The following DGKB variants were observed in gnomAD, a reference collection of about 807,000 sequenced individuals.
DGKB encodes the protein diacylglycerol kinase beta.
In DGKB, 67 loss-of-function variants were observed where a neutral mutation model predicts 114.3. The observed-to-expected ratio is 0.59, with a 90% CI of 0.48 to 0.72. The LOEUF is 0.72. DGKB is among the 30% of genes least tolerant of loss of function. The pLI is 0.00. For synonymous variants in DGKB, 398 were observed against 323.1 expected, an observed-to-expected ratio of 1.23 and a Z score of -2.49; for missense variants, 907 against 975.2, an observed-to-expected ratio of 0.93 and a Z score of 0.93.
intron 23 of DGKB, among the ~76,000 whole-genome samples, chr7:14,309,229 A>G (rs1804972895): frequency 6.6e-6 from 1 of 152,158 alleles, no homozygotes; most frequent in African/African-American, 2.4e-5. Context: ...AGAAAAAAAA[A>G]GTAAAATACT....
At chr7:14,762,870 T>C (rs1175700749) in intron 2 of DGKB, among the ~76,000 whole-genome samples, 1 of 152,162 alleles carries the variant, frequency 6.6e-6, no homozygotes, top group Non-Finnish European at 1.5e-5. Flanking sequence ...GATAGGGATC[T>C]GGCAATACTG....
chr7:14,470,632 C>T (rs183031161), intron 21 of DGKB, among the ~76,000 whole-genome samples: 1 of 151,712 alleles, frequency 6.6e-6, no homozygotes, highest in Non-Finnish European at 1.5e-5. Context: ...ATGTTAAAAG[C>T]CTTCAGAGGA....
At chr7:14,250,322 G>T (rs115905803) in intron 23 of DGKB, among the ~76,000 whole-genome samples, 1 of 151,736 alleles carries the variant, frequency 6.6e-6, no homozygotes. Flanking sequence ...TGCTTTTGCC[G>T]TATCACATGG....
At chr7:14,426,504 A>T (rs1185807420) in intron 21 of DGKB, among the ~76,000 whole-genome samples, 2 of 152,272 alleles carry the variant, frequency 1.3e-5, no homozygotes, top group East Asian at 1.9e-4. Context: ...TAGGGGGTAC[A>T]GCTGGAAATA....
intron 21 of DGKB, among the ~76,000 whole-genome samples, chr7:14,417,975 AG>A (rs1453829229): frequency 2.6e-5 from 4 of 151,412 alleles, no homozygotes; most frequent in African/African-American, 9.6e-5. Context: ...TATAAACATA[AG>A]TAAACTTGAG....
At chr7:14,812,965 A>C (rs1213348662) in intron 2 of DGKB, among the ~76,000 whole-genome samples, 1 of 152,154 alleles carries the variant, frequency 6.6e-6, no homozygotes, top group African/African-American at 2.4e-5. Flanking sequence ...AGTAAATATG[A>C]CTTTGAGAAC....
intron 5 of DGKB, among the ~76,000 whole-genome samples, chr7:14,724,391 G>C (rs1829709810): frequency 6.6e-6 from 1 of 152,092 alleles, no homozygotes; most frequent in African/African-American, 2.4e-5. Flanking sequence ...AGCAAAATTA[G>C]GTAGATGGCA....
chr7:14,793,961 G>C (rs572518943), intron 2 of DGKB, among the ~76,000 whole-genome samples: 4 of 152,178 alleles, frequency 2.6e-5, no homozygotes, highest in Non-Finnish European at 5.9e-5. Flanking sequence ...CTGCCTGCCT[G>C]ACTGAGCTCA....
intron 1 of DGKB, among the ~76,000 whole-genome samples, chr7:14,872,252 C>A (rs991290811): frequency 2.6e-5 from 4 of 152,126 alleles, no homozygotes; most frequent in Non-Finnish European, 4.4e-5. Context: ...ATAAGAGCGG[C>A]AGAACAGGAA....
At chr7:14,677,405 G>T (rs1820058838) in intron 12 of DGKB, among the ~76,000 whole-genome samples, 3 of 152,034 alleles carry the variant, frequency 2.0e-5, no homozygotes, top group Admixed American at 2.0e-4. Context: ...ATATTTTGCA[G>T]TTTGGGGTAC....
chr7:14,700,212 A>ATTTT (rs3071277), intron 7 of DGKB, among the ~76,000 whole-genome samples: 1 of 131,188 alleles, frequency 7.6e-6, no homozygotes, highest in Non-Finnish European at 1.6e-5. Context: ...TTGAAAAAAA[A>ATTTT]TTTTTTTTTT....
Position 14,765,362 on chromosome 7 carries a change from T to C in DGKB, c.71-7631A>G, listed in dbSNP as rs138588217. 8.3e-3 allele frequency among the ~76,000 whole-genome samples: 1,260 copies of C among 152,114 alleles called. 13 individuals are homozygous for C. Among genetic ancestry groups the C allele is most frequent in the African/African-American group, 0.028 (1,162 of 41,542 alleles). The stretch of plus-strand genomic sequence containing the variant: ...ATATCTTTGAGCAACCTGTTACACA[T>C]ATAGCAATAAGTATTTCTACTTAGC... On this transcript the variant is annotated intron_variant, in intron 2 of 25. Coordinates refer to ENST00000402815, the MANE Select transcript of DGKB (RefSeq NM_001350709.2).
chr7:14,959,049 T>C (rs550121382), intron 1 of DGKB, among the ~76,000 whole-genome samples: 9 of 152,198 alleles, frequency 5.9e-5, no homozygotes, highest in African/African-American at 1.7e-4. Context: ...TTTTATATGA[T>C]ATTTTGTTTG....
chr7:14,323,393 T>C (rs866084412), intron 23 of DGKB, among the ~76,000 whole-genome samples: 2 of 152,166 alleles, frequency 1.3e-5, no homozygotes, highest in African/African-American at 4.8e-5. Flanking sequence ...ATATAAGACA[T>C]GTACACTTTT....
In DGKB at chr7:14,632,086, T is replaced by C. The variant is rs569598969; in HGVS notation, c.1135-1818A>G. On this transcript the variant is annotated intron_variant, in intron 13 of 25. Transcript: ENST00000402815. ...AGTGAAAAGATTATGGCTGTCTAAA[T>C]GGTTCAGAATAACAACCAAATGCAA... Among the ~76,000 whole-genome samples, 5 of 152,116 alleles carry C rather than the reference T, an allele frequency of 3.3e-5. No individual in the cohort carries two copies. In the South Asian group the frequency reaches 6.2e-4, roughly 19 times the overall value.
intron 2 of DGKB, among the ~76,000 whole-genome samples, chr7:14,795,801 G>A (rs1423794027): frequency 6.6e-6 from 1 of 152,110 alleles, no homozygotes; most frequent in Non-Finnish European, 1.5e-5. Flanking sequence ...ATTTCTAGAC[G>A]TGAAATAGAA....
chr7:14,797,909 T>A (rs1176285443), intron 2 of DGKB, among the ~76,000 whole-genome samples: 1 of 152,068 alleles, frequency 6.6e-6, no homozygotes, highest in Non-Finnish European at 1.5e-5. Context: ...CATGACCAAG[T>A]GGAATAAGGT....
intron 23 of DGKB, among the ~76,000 whole-genome samples, chr7:14,296,129 T>A (rs762672484): frequency 4.5e-4 from 69 of 151,812 alleles, no homozygotes; most frequent in Non-Finnish European, 7.5e-4. Context: ...CCTCCCAGGT[T>A]CAAGCAATTA....
intron 23 of DGKB, among the ~76,000 whole-genome samples, chr7:14,291,947 G>C (rs1801837352): frequency 1.3e-5 from 2 of 152,036 alleles, no homozygotes; most frequent in South Asian, 4.1e-4. Flanking sequence ...GTAACTTCTG[G>C]AAGCTGTTAG....
Sources: gnomAD v4.1 joint callset for allele counts (sites outside exome capture counted in the v4.1 genomes callset) on GRCh38, gnomAD v4.1.1 for gene constraint, MANE v1.5 for transcripts, NCBI Gene and HGNC (gene_info 2026-07-23, HGNC 2026-07-21) for gene names.